Variants in LAX1 observed in about 807,000 individuals in gnomAD.
LAX1 encodes lymphocyte transmembrane adaptor 1.
A neutral mutation model predicts 20.7 loss-of-function variants in LAX1; 17 were observed. That is an observed-to-expected ratio of 0.82 (90% CI 0.56 to 1.23). The LOEUF is 1.23. Ranked by LOEUF, LAX1 falls within the 50% of genes most tolerant of loss-of-function variation. LAX1 has a pLI of 0.00. For synonymous variants in LAX1, 165 were observed against 181.0 expected (o/e 0.91, Z 0.71); for missense variants, 470 against 487.0 (o/e 0.97, Z 0.33).
rs755366218 is a variant in LAX1, at chr1:203,770,856, T to C, written c.118T>C (p.Ser40Pro). The C allele has an allele frequency of 5.0e-6, 8 of 1,614,122 alleles. No homozygotes were observed. The highest frequency in any genetic ancestry group is 6.8e-6 in the Non-Finnish European group (8 of 1,179,980). Residue 40 changes from serine to proline, a missense_variant, in exon 2 of 5, where the codon TCC (serine) becomes CCC (proline). Coordinates refer to ENST00000442561, the MANE Select transcript of LAX1 (RefSeq NM_017773.4). Reference protein sequence around the residue: ...RNKDQITNIFSGFAGLLAILL... With the variant: ...RNKDQITNIFPGFAGLLAILL... ...TAAAGACCAGATCACCAACATCTTT[T>C]CCGGGTTTGCGGGACTCCTCGCCAT...
At position 203,774,077 on chromosome 1, in the gene LAX1, C is replaced by T; in HGVS notation, c.593C>T (p.Thr198Ile). Residue 198 changes from threonine to isoleucine, a missense_variant, in exon 5 of 5, where the codon ACA becomes ATA. Thr to Ile is a moderately conservative substitution (Grantham distance 89). Coordinates refer to ENST00000442561, the MANE Select transcript of LAX1 (RefSeq NM_017773.4). ...EDSHDYVNVP[T>I]AEEIAETLAS... ...TCGCATGATTATGTCAATGTCCCCA[C>T]AGCAGAAGAGATTGCTGAGACTCTA... is the stretch of plus-strand genomic sequence containing the variant. The T allele has an allele frequency of 6.2e-7, 1 of 1,614,192 alleles. No individual in the cohort carries two copies. Among genetic ancestry groups the T allele is most frequent in the Non-Finnish European group, 8.5e-7 (1 of 1,180,028 alleles).
At position 203,774,152 on chromosome 1, in the gene LAX1, A is replaced by G. The variant is rs1281329725; in HGVS notation, c.668A>G (p.Gln223Arg). 1.2e-6 allele frequency: 2 copies of G among 1,614,070 alleles called. No homozygotes were observed. Among genetic ancestry groups the G allele is most frequent in the African/African-American group, 2.7e-5 (2 of 74,928 alleles). ...AATCTCTTTGTTCTTCCCAGTACCCAGAAGCTGGAGTTTACTGAGGAAAGA... is the reference window on the plus strand; with the variant it reads ...AATCTCTTTGTTCTTCCCAGTACCCGGAAGCTGGAGTTTACTGAGGAAAGA... ...SRNLFVLPST[Q>R]KLEFTEERDE... Residue 223 changes from glutamine (Q) to arginine (R), a missense_variant, in exon 5 of 5, where the codon CAG (glutamine) becomes CGG (arginine). Coordinates refer to ENST00000442561, the MANE Select transcript of LAX1 (RefSeq NM_017773.4).
chr1:203,769,249 G>A (rs1315797102), intron 1 of LAX1, among the ~76,000 whole-genome samples: 1 of 151,640 alleles, frequency 6.6e-6, no homozygotes, highest in African/African-American at 2.4e-5. Context: ...AAAATTAGCC[G>A]GGCGTGGTGG....
At position 203,775,895 on chromosome 1, in the gene LAX1, AGTT is replaced by A. The variant is rs1175622166; in HGVS notation, c.*1220_*1222del. 6.6e-6 allele frequency: 1 copy of A among 152,316 alleles called. No homozygotes were observed. The highest frequency in any genetic ancestry group is 2.4e-5 in the African/African-American group (1 of 41,464). The allele number at this position is 152,316 out of a possible 1,614,324, so 9.4% of individuals were successfully genotyped here. ...AAACTATAGGGATGAAGAACAGATCAGTTGTTGTCAGGTTTGAGAAAAGGAGGG... is the reference window on the plus strand; with the variant it reads ...AAACTATAGGGATGAAGAACAGATCAGTTGTCAGGTTTGAGAAAAGGAGGG... On this transcript the variant is annotated 3_prime_UTR_variant, in exon 5 of 5. Coordinates refer to ENST00000442561, the MANE Select transcript of LAX1 (RefSeq NM_017773.4).
chr1:203,770,528 A>G (rs1469796984), intron 1 of LAX1, among the ~76,000 whole-genome samples: 1 of 137,582 alleles, frequency 7.3e-6, no homozygotes, highest in African/African-American at 2.7e-5. Flanking sequence ...AAAGAAAGAA[A>G]GAAAGAAAGA....
At position 203,770,955 on chromosome 1, in the gene LAX1, C is replaced by T; in HGVS notation, c.199+18C>T. On this transcript the variant is annotated intron_variant, in intron 2 of 4. Transcript: ENST00000442561. ...GAAGAAGCGTGAGTCCCTTGTTTGT[C>T]CTGAGTTGAGACACAGTAGGATTAT... 1.3e-6 allele frequency: 2 copies of T among 1,555,840 alleles called. No homozygotes were observed. Among genetic ancestry groups the T allele is most frequent in the Non-Finnish European group, 1.8e-6 (2 of 1,126,656 alleles).
rs1667501344 is a variant in LAX1, at chr1:203,775,816, C to T, written c.*1135C>T. On this transcript the variant is annotated 3_prime_UTR_variant, in exon 5 of 5. Transcript: ENST00000442561. The stretch of plus-strand genomic sequence containing the variant: ...ATTTTGCTAAGTGAAAGAAGCTAGG[C>T]CTAAAAGTCTACATGTTGGGCGATT... 1.3e-5 allele frequency: 2 copies of T among 152,072 alleles called. No homozygotes were observed. Among genetic ancestry groups the T allele is most frequent in the African/African-American group, 4.8e-5 (2 of 41,404 alleles). 9.4% of individuals were successfully genotyped at this position (152,072 alleles called of 1,614,324 possible). A position where few individuals can be genotyped will look rare whatever the true frequency, so the allele number is the denominator to read the frequency against.
intron 3 of LAX1, 62 bp from the exon 4 acceptor site, chr1:203,772,006 T>G: frequency 9.4e-6 from 12 of 1,272,136 alleles, no homozygotes; most frequent in Non-Finnish European, 1.2e-5. Flanking sequence ...GATGCAGGGA[T>G]TATTTGGACT....
chr1:203,774,281 A>G lies in LAX1; in HGVS notation c.797A>G (p.Asn266Ser). 1 of 1,614,104 alleles carries G rather than the reference A, an allele frequency of 6.2e-7. No individual in the cohort carries two copies. The highest frequency in any genetic ancestry group is 8.5e-7 in the Non-Finnish European group (1 of 1,179,924). ...GGAGAAGGTTCTTCTCAGATCTCAA[A>G]TGACTATGTCAACATGACAGGGTTG... ...SNGEGSSQIS[N>S]DYVNMTGLDL... The change falls in exon 5 of 5, where the codon AAT becomes AGT. Residue 266 changes from asparagine (N) to serine (S), a missense_variant. Coordinates refer to ENST00000442561, the MANE Select transcript of LAX1 (RefSeq NM_017773.4).
At chr1:203,771,655 G>T (rs1455529361) in intron 3 of LAX1, among the ~76,000 whole-genome samples, 178 bp downstream of exon 3, 2 of 152,128 alleles carry the variant, frequency 1.3e-5, no homozygotes, top group Non-Finnish European at 2.9e-5. Context: ...GGTCTGGAGG[G>T]CTCCAAAAAG....
In LAX1 at chr1:203,774,440, G is replaced by C. The variant is rs755267095; in HGVS notation, c.956G>C (p.Gly319Ala). The C allele has an allele frequency of 1.1e-5, 17 of 1,614,058 alleles. No homozygotes were observed. In the Middle Eastern group the frequency reaches 8.2e-4, roughly 78 times the overall value. ...AAAGATGTGCCATCCTCAAACATAG[G>C]TCATGTCGAGGACAAGACAGATGAT... The part of the protein sequence containing the change: ...AEKDVPSSNI[G>A]HVEDKTDDPG... The change falls in exon 5 of 5, where the codon GGT (glycine) becomes GCT (alanine). Residue 319 changes from glycine (G) to alanine (A), a missense_variant. Coordinates refer to ENST00000442561, the MANE Select transcript of LAX1 (RefSeq NM_017773.4).
intron 1 of LAX1, among the ~76,000 whole-genome samples, chr1:203,770,510 GAAGAAAGA>G (rs1326354763): frequency 0.011 from 185 of 16,918 alleles, 7 homozygotes; most frequent in Middle Eastern, 0.02. Flanking sequence ...AGGAAGGAAG[GAAGAAAGA>G]AAGAAAGAAA....
chr1:203,770,272 T>G (rs1667380762), intron 1 of LAX1, among the ~76,000 whole-genome samples: 1 of 151,124 alleles, frequency 6.6e-6, no homozygotes. Flanking sequence ...AAAAATTAGC[T>G]GGGCCTCATG....
chr1:203,770,082 G>T (rs1667377915), intron 1 of LAX1, among the ~76,000 whole-genome samples: 1 of 152,072 alleles, frequency 6.6e-6, no homozygotes, highest in African/African-American at 2.4e-5. Flanking sequence ...CTAAAGCTCA[G>T]GTTACTTGGC....
intron 1 of LAX1, among the ~76,000 whole-genome samples, chr1:203,770,465 GGAAGGAAGGA>G (rs1558070711): frequency 2.3e-4 from 4 of 17,196 alleles, no homozygotes; most frequent in African/African-American, 3.6e-4. Context: ...AAGGAAGGAA[GGAAGGAAGGA>G]AGGAAGGAAG....
In LAX1 at chr1:203,774,759, C is replaced by T; in HGVS notation, c.*78C>T. On this transcript the variant is annotated 3_prime_UTR_variant, in exon 5 of 5. Transcript: ENST00000442561. Reference sequence around the variant, plus strand: ...TGACTACTGCAGAGTCTAGTGCAGACCCGTGATCACCTTAGTGCTTCAGTG... The same window carrying T: ...TGACTACTGCAGAGTCTAGTGCAGATCCGTGATCACCTTAGTGCTTCAGTG... The T allele has an allele frequency of 2.6e-6, 3 of 1,160,826 alleles. No individual in the cohort carries two copies. Among genetic ancestry groups the T allele is most frequent in the South Asian group, 3.0e-5 (2 of 67,422 alleles). 71.9% of individuals were successfully genotyped at this position (1,160,826 alleles called of 1,614,324 possible).
rs569684415 is a variant in LAX1 at position 203,772,577 on chromosome 1, G to A, written c.390+430G>A. Among the ~76,000 whole-genome samples the A allele has an allele frequency of 2.3e-4, 35 of 152,046 alleles. No individual in the cohort carries two copies. The South Asian group carries it at 2.5e-3, about 11-fold the overall frequency. Reference sequence around the variant, plus strand: ...CAAGTAGCTGGGATTACAGGCATGCGCCACCACGCCCAGCTAATTTTTGTA... The same window carrying A: ...CAAGTAGCTGGGATTACAGGCATGCACCACCACGCCCAGCTAATTTTTGTA... On this transcript the variant is annotated intron_variant, in intron 4 of 4. Coordinates refer to ENST00000442561, the MANE Select transcript of LAX1 (RefSeq NM_017773.4).
intron 1 of LAX1, among the ~76,000 whole-genome samples, chr1:203,770,185 AG>A (rs1667379577): frequency 6.6e-6 from 1 of 151,896 alleles, no homozygotes; most frequent in South Asian, 2.1e-4. Context: ...TGGGAGGCCA[AG>A]GCGGGCAGAT....
chr1:203,773,811 G>A, intron 4 of LAX1, 64 bp from the exon 5 acceptor site: 4 of 235,380 alleles, frequency 1.7e-5, no homozygotes, highest in Non-Finnish European at 3.2e-5. Flanking sequence ...TATTTTCCAA[G>A]AAGAAAGGCT....
Sources: gnomAD v4.1 joint callset for allele counts (sites outside exome capture counted in the v4.1 genomes callset) on GRCh38, gnomAD v4.1.1 for gene constraint, MANE v1.5 for transcripts, NCBI Gene and HGNC (gene_info 2026-07-23, HGNC 2026-07-21) for gene names.